The following TNC variants were observed in gnomAD, a reference collection of about 807,000 sequenced individuals.
TNC encodes the protein tenascin.
TNC carries 109 observed loss-of-function variants against 202.4 expected under a neutral mutation model. That is an observed-to-expected ratio of 0.54 (90% CI 0.46 to 0.63). The LOEUF is 0.63. Among genes scored for constraint, TNC ranks in the 30% least tolerant of loss-of-function variants. TNC has a pLI of 0.00. For missense variants in TNC, 2,756 were observed against 2,833.3 expected (o/e 0.97, Z 0.62); for synonymous variants, 1,007 against 1,089.7 (o/e 0.92, Z 1.50).
rs775726672 is a variant in TNC at position 115,063,923 on chromosome 9, G to A, written c.3633C>T (p.Leu1211=). Residue 1211 remains leucine, a synonymous_variant, in exon 12 of 28, where the codon CTC becomes CTT. Coordinates refer to ENST00000350763, the MANE Select transcript of TNC (RefSeq NM_002160.4). ...TGGACCTCAGTCCTCCTGGGACGGT[G>A]AGGTTCTGGGCTGCCTCTACTGTGT... ...EADTVEAAQN[L]TVPGGLRSTD... is the part of the protein sequence containing the mutation. 1.2e-6 allele frequency: 2 copies of A among 1,614,192 alleles called. No homozygotes were observed. The highest frequency in any genetic ancestry group is 3.3e-5 in the Admixed American group (2 of 60,032).
At chr9:115,094,173 G>T (rs953774339) in intron 1 of TNC, among the ~76,000 whole-genome samples, 3 of 152,134 alleles carry the variant, frequency 2.0e-5, no homozygotes, top group South Asian at 4.1e-4. Context: ...CTCGTAGTAG[G>T]CACTCATTAA....
chr9:115,112,410 A>G (rs958018371), intron 1 of TNC, among the ~76,000 whole-genome samples: 1 of 152,184 alleles, frequency 6.6e-6, no homozygotes, highest in Non-Finnish European at 1.5e-5. Context: ...TACAAAATAG[A>G]TAAGTGGAGG....
intron 26 of TNC, among the ~76,000 whole-genome samples, chr9:115,025,217 T>A (rs909422141): frequency 1.4e-4 from 22 of 152,254 alleles, no homozygotes; most frequent in Admixed American, 1.4e-3. Flanking sequence ...ACATTCTTCT[T>A]CTTGCCTGAA....
intron 15 of TNC, chr9:115,055,556 G>A (rs1389290528): frequency 6.6e-6 from 1 of 152,598 alleles, no homozygotes; most frequent in African/African-American, 2.4e-5. Flanking sequence ...ATTAGAAGAA[G>A]CTTTGAGGTT....
Position 115,057,337 on chromosome 9 carries a change from G to A in TNC, c.4395C>T (p.Phe1465=), listed in dbSNP as rs539803972. The part of the protein sequence containing the change: ...NLSWMATDGI[F]ETFTIEIIDS... ...CAATAATTTCAATGGTAAAGGTCTCGAAGATCCCATCGGTAGCCATCCAGG... is the reference window on the plus strand; with the variant it reads ...CAATAATTTCAATGGTAAAGGTCTCAAAGATCCCATCGGTAGCCATCCAGG... Residue 1465 remains phenylalanine (F), a synonymous_variant, in exon 15 of 28, where the codon TTC becomes TTT. Transcript: ENST00000350763. 31 of 1,614,132 alleles carry A rather than the reference G, an allele frequency of 1.9e-5. No homozygotes were observed. The highest frequency in any genetic ancestry group is 1.3e-4 in the East Asian group (6 of 44,880).
chr9:115,050,481 C>A (rs1453037242), intron 15 of TNC, among the ~76,000 whole-genome samples: 1 of 152,018 alleles, frequency 6.6e-6, no homozygotes, highest in Non-Finnish European at 1.5e-5. Flanking sequence ...TTGTCTCAGT[C>A]CCTTAAGAAA....
chr9:115,091,150 A>G lies in TNC; in HGVS notation c.-132T>C. On this transcript the variant is annotated 5_prime_UTR_variant, in exon 2 of 28. Coordinates refer to ENST00000350763, the MANE Select transcript of TNC (RefSeq NM_002160.4). ...TGTCCCTGATCTTCTTGAAAGAATT[A>G]TTTTCTACAAGCAAAGATGAACAAA... is the stretch of plus-strand genomic sequence containing the variant. The G allele has an allele frequency of 1.4e-6, 1 of 713,218 alleles. No individual in the cohort carries two copies. Among genetic ancestry groups the G allele is most frequent in the African/African-American group, 1.8e-5 (1 of 55,960 alleles). 44.2% of individuals were successfully genotyped at this position (713,218 alleles called of 1,614,324 possible). A position where few individuals can be genotyped will look rare whatever the true frequency, so the allele number is the denominator to read the frequency against.
chr9:115,116,865 G>A (rs1389533797), intron 1 of TNC, among the ~76,000 whole-genome samples: 1 of 152,136 alleles, frequency 6.6e-6, no homozygotes, highest in African/African-American at 2.4e-5. Context: ...CTCAGATTGG[G>A]TGAGATAAAA....
At chr9:115,049,074 T>A (rs994059329) in intron 15 of TNC, among the ~76,000 whole-genome samples, 1 of 151,700 alleles carries the variant, frequency 6.6e-6, no homozygotes, top group Non-Finnish European at 1.5e-5. Context: ...GGAGGTAAGT[T>A]TTTTTTGTGT....
chr9:115,090,456 C>G, intron 2 of TNC, 106 bp downstream of exon 2: 1 of 853,898 alleles, frequency 1.2e-6, no homozygotes, highest in South Asian at 1.8e-5. Flanking sequence ...CTCTGGGAAG[C>G]TAGTTTTCTA....
chr9:115,073,850 C>G lies in TNC; in HGVS notation c.2967G>C (p.Lys989Asn). The change falls in exon 10 of 28, where the codon AAG becomes AAC. Residue 989 changes from lysine to asparagine, a missense_variant. Around this residue, in one of 2 missense-constraint regions of TNC, gnomAD observed 2,559 missense variants for 2,546.0 expected, o/e 1.01. Transcript: ENST00000350763. ...INAATELDTP[K>N]DLQVSETAET... ...CTGCAGTTTCAGAAACCTGAAGGTC[C>G]TTGGGCGTGTCCAACTCTGGGAGGA... 1 of 1,611,102 alleles carries G rather than the reference C, an allele frequency of 6.2e-7. No individual in the cohort carries two copies. The highest frequency in any genetic ancestry group is 1.1e-5 in the South Asian group (1 of 91,072).
At chr9:115,102,283 A>G (rs1053209834) in intron 1 of TNC, among the ~76,000 whole-genome samples, 3 of 152,202 alleles carry the variant, frequency 2.0e-5, no homozygotes, top group Non-Finnish European at 4.4e-5. Context: ...ACCTCTGACT[A>G]TATAACTTCC....
Position 115,063,754 on chromosome 9 carries a change from G to T in TNC, c.3760+42C>A, listed in dbSNP as rs368068217. On this transcript the variant is annotated intron_variant, in intron 12 of 27. Transcript: ENST00000350763. Reference sequence around the variant, plus strand: ...AGTGCTTTGATTCCTCCCGAGCAGAGACAAAGGGGAGGAAGTGAATTAGTG... The same window carrying T: ...AGTGCTTTGATTCCTCCCGAGCAGATACAAAGGGGAGGAAGTGAATTAGTG... 3.2e-6 allele frequency: 5 copies of T among 1,582,170 alleles called. No homozygotes were observed. The African/African-American group carries it at 6.7e-5, about 21-fold the overall frequency.
In TNC at chr9:115,046,396, T is replaced by C; in HGVS notation, c.5125+14A>G. The C allele has an allele frequency of 2.5e-6, 4 of 1,613,048 alleles. No individual in the cohort carries two copies. The highest frequency in any genetic ancestry group is 1.1e-5 in the South Asian group (1 of 91,058). On this transcript the variant is annotated intron_variant, in intron 17 of 27. Coordinates refer to ENST00000350763, the MANE Select transcript of TNC (RefSeq NM_002160.4). Reference sequence around the variant, plus strand: ...CATGACTTTTCTCTGTTCTCTCCTGTTTATTTACAGTACCTGTTGTTGCTA... The same window carrying C: ...CATGACTTTTCTCTGTTCTCTCCTGCTTATTTACAGTACCTGTTGTTGCTA...
intron 1 of TNC, among the ~76,000 whole-genome samples, chr9:115,092,749 AT>A (rs34706824): frequency 0.43 from 59,851 of 139,138 alleles, 12,621 homozygotes; most frequent in African/African-American, 0.54. Flanking sequence ...GATTTTTTGT[AT>A]TTTTTTTTTT....
At chr9:115,090,489 T>A in intron 2 of TNC, 73 bp downstream of exon 2, 1 of 1,260,500 alleles carries the variant, frequency 7.9e-7, no homozygotes. Flanking sequence ...TGGAAGCAAG[T>A]GATGGATGCT....
chr9:115,021,099 G>C lies in TNC; in HGVS notation c.*58C>G. 7.0e-7 allele frequency: 1 copy of C among 1,423,016 alleles called. No homozygotes were observed. The highest frequency in any genetic ancestry group is 9.9e-7 in the Non-Finnish European group (1 of 1,011,734). The allele number at this position is 1,423,016 out of a possible 1,614,324, so 88.1% of individuals were successfully genotyped here. ...TTGGGCTGGTTGTATTGATGCTTTG[G>C]TAAAATCCTTTCCTCGCTCTGGGCC... is the stretch of plus-strand genomic sequence containing the variant. On this transcript the variant is annotated 3_prime_UTR_variant, in exon 28 of 28. Coordinates refer to ENST00000350763, the MANE Select transcript of TNC (RefSeq NM_002160.4).
chr9:115,041,217 A>C, intron 18 of TNC, 133 bp from the exon 19 acceptor site: 63 of 1,008,182 alleles, frequency 6.2e-5, no homozygotes, highest in East Asian at 9.4e-5. Context: ...TTGACTTCTC[A>C]TTTGCTCCTA....
chr9:115,111,259 A>T (rs963884746), intron 1 of TNC, among the ~76,000 whole-genome samples: 1 of 151,808 alleles, frequency 6.6e-6, no homozygotes, highest in African/African-American at 2.4e-5. Context: ...GTGTGCAATT[A>T]CCTCCCCTTG....
Sources: allele counts gnomAD v4.1 joint callset (sites outside exome capture counted in the v4.1 genomes callset), GRCh38; gene constraint gnomAD v4.1.1; regional missense constraint gnomAD v4.1.1; transcripts MANE v1.5; gene names NCBI Gene and HGNC (gene_info 2026-07-23, HGNC 2026-07-21).